DDX60L: variants seen among roughly 807,000 people sequenced by gnomAD.
The protein encoded by DDX60L is DExD/H-box 60 like, also known as probable ATP-dependent RNA helicase DDX60-like.
DDX60L carries 191 observed loss-of-function variants against 211.6 expected under a neutral mutation model. The ratio of observed to expected loss-of-function variants is 0.90; its 90% CI spans 0.80 to 1.02. The LOEUF (loss-of-function observed/expected upper bound fraction) is 1.02. Ranked by LOEUF, DDX60L falls within the 50% of genes least tolerant of loss-of-function variation. DDX60L has a pLI of 0.00. For missense variants in DDX60L, 2,007 were observed against 1,984.1 expected, an observed-to-expected ratio of 1.01 and a Z score of -0.22; for synonymous variants, 706 against 694.1, an observed-to-expected ratio of 1.02 and a Z score of -0.27.
At chr4:168,445,517 T>G (rs926717918) in intron 9 of DDX60L, among the ~76,000 whole-genome samples, 3 of 152,188 alleles carry the variant, frequency 2.0e-5, no homozygotes, top group African/African-American at 7.2e-5. Flanking sequence ...GAATTCTCCC[T>G]AACTCATTTT....
chr4:168,400,711 G>A, intron 26 of DDX60L, 115 bp downstream of exon 26: 2 of 889,356 alleles, frequency 2.2e-6, no homozygotes, highest in Non-Finnish European at 3.3e-6. Context: ...TGCAAAAACT[G>A]TGAAGCAATA....
intron 12 of DDX60L, among the ~76,000 whole-genome samples, chr4:168,432,154 G>T (rs1906760): frequency 6.6e-6 from 1 of 151,252 alleles, no homozygotes; most frequent in Non-Finnish European, 1.5e-5. Context: ...GCATGCATAC[G>T]TACATATGCA....
chr4:168,372,416 A>C (rs902779042), intron 35 of DDX60L, among the ~76,000 whole-genome samples: 1 of 152,168 alleles, frequency 6.6e-6, no homozygotes, highest in Non-Finnish European at 1.5e-5. Flanking sequence ...TAAACTGTGG[A>C]GCAAGTTGGA....
intron 14 of DDX60L, among the ~76,000 whole-genome samples, chr4:168,425,876 A>G (rs1176556076): frequency 6.6e-6 from 1 of 152,220 alleles, no homozygotes; most frequent in Non-Finnish European, 1.5e-5. Flanking sequence ...AAAAGCACAC[A>G]CTACAAGCCA....
intron 37 of DDX60L, among the ~76,000 whole-genome samples, chr4:168,359,375 G>A (rs1400789601): frequency 6.6e-6 from 1 of 152,128 alleles, no homozygotes; most frequent in Non-Finnish European, 1.5e-5. Flanking sequence ...TGTCAGTTCT[G>A]AAGTCATCAT....
intron 29 of DDX60L, chr4:168,390,319 G>A (rs1226664226): frequency 2.6e-5 from 30 of 1,150,900 alleles, no homozygotes; most frequent in East Asian, 1.2e-4. Flanking sequence ...ATGAAAAAGA[G>A]AAAGACTGAA....
intron 29 of DDX60L, among the ~76,000 whole-genome samples, chr4:168,387,171 G>A (rs1744045137): frequency 6.6e-6 from 1 of 152,188 alleles, no homozygotes; most frequent in Admixed American, 6.5e-5. Context: ...AGTCACGGCA[G>A]GGTGAGGGAG....
intron 10 of DDX60L, among the ~76,000 whole-genome samples, chr4:168,440,062 A>T (rs1007798790): frequency 6.6e-6 from 1 of 152,220 alleles, no homozygotes; most frequent in Non-Finnish European, 1.5e-5. Context: ...GGCCAAAATA[A>T]AAAAGACTAA....
intron 14 of DDX60L, 112 bp from the exon 15 acceptor site, chr4:168,423,886 T>C: frequency 3.2e-6 from 2 of 619,680 alleles, no homozygotes; most frequent in Non-Finnish European, 2.6e-6. Flanking sequence ...ACCTCACTAT[T>C]TTACTTGACT....
chr4:168,377,293 A>C (rs1176570523), intron 33 of DDX60L, among the ~76,000 whole-genome samples: 1 of 3,802 alleles, frequency 2.6e-4, no homozygotes, highest in African/African-American at 3.5e-3. Flanking sequence ...CTCTGTCTCA[A>C]ATAAATAAAT....
intron 18 of DDX60L, among the ~76,000 whole-genome samples, chr4:168,419,599 C>T (rs7691811): frequency 0.19 from 29,246 of 152,094 alleles, 3,174 homozygotes; most frequent in African/African-American, 0.29. Context: ...TACTCTGTAA[C>T]GACTGTTTTA....
At chr4:168,358,768 T>C (rs1328243695) in intron 37 of DDX60L, among the ~76,000 whole-genome samples, 1 of 152,100 alleles carries the variant, frequency 6.6e-6, no homozygotes, top group Non-Finnish European at 1.5e-5. Context: ...TCCACCCGCC[T>C]CGGCCTCTCA....
chr4:168,477,466 A>G (rs1579918526), intron 1 of DDX60L, among the ~76,000 whole-genome samples: 1 of 152,096 alleles, frequency 6.6e-6, no homozygotes, highest in East Asian at 1.9e-4. Context: ...GTATAGTGCT[A>G]TCGTTCTTTT....
At chr4:168,446,614 T>C (rs1186025711) in intron 9 of DDX60L, among the ~76,000 whole-genome samples, 1 of 151,942 alleles carries the variant, frequency 6.6e-6, no homozygotes. Flanking sequence ...GGCATCACAC[T>C]ACCTGACTTC....
chr4:168,422,584 T>C lies in DDX60L; in HGVS notation c.2184A>G (p.Ile728Met). Reference sequence around the variant, plus strand: ...GATCCCGATCTTTTCTTTCATCTCTTATCAAGTAATGGCCCATGTATTGCA... The same window carrying C: ...GATCCCGATCTTTTCTTTCATCTCTCATCAAGTAATGGCCCATGTATTGCA... ...FQLQYMGHYL[I>M]RDERKDRDPR... Residue 728 changes from isoleucine to methionine, a missense_variant, in exon 16 of 38, where the codon ATA becomes ATG. Ile to Met is a conservative substitution (Grantham distance 10, BLOSUM62 1). Coordinates refer to ENST00000682922, the MANE Select transcript of DDX60L (RefSeq NM_001012967.3). The C allele has an allele frequency of 6.2e-7, 1 of 1,613,644 alleles. No individual in the cohort carries two copies. The highest frequency in any genetic ancestry group is 8.5e-7 in the Non-Finnish European group (1 of 1,179,780).
At chr4:168,468,365 C>T (rs776946401) in intron 4 of DDX60L, among the ~76,000 whole-genome samples, 4 of 151,788 alleles carry the variant, frequency 2.6e-5, no homozygotes, top group Non-Finnish European at 2.9e-5. Flanking sequence ...TGTAATCTAC[C>T]AAATTAAGAA....
intron 22 of DDX60L, among the ~76,000 whole-genome samples, chr4:168,413,024 C>T (rs114017617): frequency 0.014 from 2,180 of 152,352 alleles, 22 homozygotes; most frequent in Middle Eastern, 0.044. Context: ...TAGATCACAA[C>T]ATCCAAGTCC....
At chr4:168,475,059 G>A (rs1454441192) in intron 1 of DDX60L, among the ~76,000 whole-genome samples, 2 of 152,154 alleles carry the variant, frequency 1.3e-5, no homozygotes, top group African/African-American at 4.8e-5. Context: ...AATGAAAGAG[G>A]CATTAAAGTG....
At chr4:168,445,448 A>G (rs1467491309) in intron 9 of DDX60L, among the ~76,000 whole-genome samples, 4 of 151,966 alleles carry the variant, frequency 2.6e-5, no homozygotes, top group East Asian at 1.9e-4. Flanking sequence ...TCTACCAGAG[A>G]TACAAGGAGG....
Sources: gnomAD v4.1 joint callset for allele counts (sites outside exome capture counted in the v4.1 genomes callset) on GRCh38, gnomAD v4.1.1 for gene constraint, MANE v1.5 for transcripts, NCBI Gene and HGNC (gene_info 2026-07-23, HGNC 2026-07-21) for gene names.